CELF4: variants seen among roughly 807,000 people sequenced by gnomAD.
The protein encoded by CELF4 is CUGBP Elav-like family member 4.
CELF4 carries 18 observed loss-of-function variants against 59.9 expected under a neutral mutation model. The observed-to-expected ratio is 0.30, with a 90% confidence interval of 0.21 to 0.45. The LOEUF (loss-of-function observed/expected upper bound fraction) is 0.45, where lower values mean the gene tolerates loss of function less well. CELF4 is among the 20% of genes least tolerant of loss of function. CELF4 has a pLI of 1.00. For missense variants in CELF4, 456 were observed against 689.0 expected (o/e 0.66, Z 3.79); for synonymous variants, 261 against 267.1 (o/e 0.98, Z 0.22).
chr18:37,462,805 T>A (rs1414501379), intron 2 of CELF4, among the ~76,000 whole-genome samples: 1 of 151,518 alleles, frequency 6.6e-6, no homozygotes, highest in African/African-American at 2.4e-5. Context: ...TTTTTTTTTT[T>A]GCGATTTTTT....
intron 1 of CELF4, among the ~76,000 whole-genome samples, chr18:37,536,915 GGT>G (rs2099973972): frequency 6.6e-6 from 1 of 152,168 alleles, no homozygotes; most frequent in Admixed American, 6.5e-5. Context: ...CTTGCCAGGG[GGT>G]GCTGGCTGAC....
At chr18:37,502,733 C>A (rs1415694778) in intron 1 of CELF4, among the ~76,000 whole-genome samples, 1 of 152,198 alleles carries the variant, frequency 6.6e-6, no homozygotes, top group Non-Finnish European at 1.5e-5. Context: ...CTCCCTGTCT[C>A]ACCTCACTAA....
intron 3 of CELF4, among the ~76,000 whole-genome samples, chr18:37,303,742 T>C (rs1391316760): frequency 1.3e-5 from 2 of 152,220 alleles, no homozygotes; most frequent in Non-Finnish European, 2.9e-5. Context: ...CAGGCTAGCC[T>C]TGTGGGCTTT....
chr18:37,467,679 A>T (rs938109024), intron 2 of CELF4, among the ~76,000 whole-genome samples: 3 of 152,216 alleles, frequency 2.0e-5, no homozygotes, highest in African/African-American at 7.2e-5. Context: ...CAAGTCACAC[A>T]GCTGCCAGAG....
chr18:37,464,578 G>A (rs2099802798), intron 2 of CELF4, among the ~76,000 whole-genome samples: 2 of 152,180 alleles, frequency 1.3e-5, no homozygotes, highest in South Asian at 4.1e-4. Context: ...GGGCTTGGGT[G>A]CCCTGGCTGG....
At chr18:37,308,525 A>G (rs2096530702) in intron 3 of CELF4, among the ~76,000 whole-genome samples, 1 of 152,128 alleles carries the variant, frequency 6.6e-6, no homozygotes, top group South Asian at 2.1e-4. Flanking sequence ...CTGCCGGCTG[A>G]TCTCCCTGCC....
At chr18:37,325,937 G>A (rs1396589922) in intron 2 of CELF4, among the ~76,000 whole-genome samples, 3 of 152,218 alleles carry the variant, frequency 2.0e-5, no homozygotes, top group Non-Finnish European at 1.5e-5. Context: ...TTAATTCTCA[G>A]CAGAAATAAA....
intron 1 of CELF4, among the ~76,000 whole-genome samples, chr18:37,519,607 T>C (rs1213306794): frequency 2.0e-5 from 3 of 152,128 alleles, no homozygotes; most frequent in Non-Finnish European, 1.5e-5. Flanking sequence ...AGTATGTAAA[T>C]AAGATGCCGA....
chr18:37,366,463 G>C (rs1486295749), intron 2 of CELF4, among the ~76,000 whole-genome samples: 1 of 152,202 alleles, frequency 6.6e-6, no homozygotes, highest in African/African-American at 2.4e-5. Flanking sequence ...GAGGCTGAGA[G>C]GTGGGTGGCT....
intron 6 of CELF4, chr18:37,273,878 T>A: frequency 9.9e-7 from 1 of 1,013,938 alleles, no homozygotes. Flanking sequence ...TGTGTAGGGC[T>A]TTAGGGCACC....
intron 1 of CELF4, among the ~76,000 whole-genome samples, chr18:37,536,461 T>A (rs1435965540): frequency 6.6e-6 from 1 of 152,226 alleles, no homozygotes; most frequent in East Asian, 1.9e-4. Flanking sequence ...GCAACAGCCA[T>A]CTTCTCAGCC....
chr18:37,329,949 T>C (rs2097478723), intron 2 of CELF4, among the ~76,000 whole-genome samples: 1 of 152,134 alleles, frequency 6.6e-6, no homozygotes, highest in African/African-American at 2.4e-5. Context: ...GATCATCAGG[T>C]GTTTTAAGCA....
intron 3 of CELF4, chr18:37,305,983 G>A (rs936228246): frequency 6.6e-6 from 1 of 152,248 alleles, no homozygotes; most frequent in African/African-American, 2.4e-5. Flanking sequence ...GAGGGGGTAT[G>A]GGGCACCCAC....
intron 3 of CELF4, among the ~76,000 whole-genome samples, chr18:37,296,487 C>A (rs977658631): frequency 6.6e-6 from 1 of 152,216 alleles, no homozygotes; most frequent in African/African-American, 2.4e-5. Flanking sequence ...TGAGCCACTG[C>A]GCCTGGCCGG....
intron 1 of CELF4, among the ~76,000 whole-genome samples, chr18:37,564,588 A>C (rs2099987570): frequency 6.6e-6 from 1 of 151,996 alleles, no homozygotes; most frequent in Non-Finnish European, 1.5e-5. Flanking sequence ...CAAAATGCAA[A>C]TCTCGCACAC....
At chr18:37,251,408 T>C (rs751945185) in intron 12 of CELF4, among the ~76,000 whole-genome samples, 1 of 152,138 alleles carries the variant, frequency 6.6e-6, no homozygotes, top group Non-Finnish European at 1.5e-5. Context: ...ACAATAAACC[T>C]GCCTTCTCAC....
chr18:37,547,160 G>GGTGTGTGTGTGTGTGTGTGTGTGTGTGT (rs59169669), intron 1 of CELF4, among the ~76,000 whole-genome samples: 1 of 144,170 alleles, frequency 6.9e-6, no homozygotes, highest in Admixed American at 7.0e-5. Flanking sequence ...GTGTGTGTGT[G>GGTGTGTGTGTGTGTGTGTGTGTGTGTGT]GTGTGTGTGT....
At chr18:37,292,535 C>A (rs2095407145) in intron 3 of CELF4, among the ~76,000 whole-genome samples, 1 of 152,192 alleles carries the variant, frequency 6.6e-6, no homozygotes, top group African/African-American at 2.4e-5. Flanking sequence ...GCTTTTCTCC[C>A]TGACACCGGA....
chr18:37,471,658 C>T (rs1330205748), intron 2 of CELF4, among the ~76,000 whole-genome samples: 1 of 152,130 alleles, frequency 6.6e-6, no homozygotes, highest in Non-Finnish European at 1.5e-5. Context: ...AGTCTGGAGT[C>T]TCGATCCATT....
Sources: allele counts gnomAD v4.1 joint callset (sites outside exome capture counted in the v4.1 genomes callset), GRCh38; gene constraint gnomAD v4.1.1; transcripts MANE v1.5; gene names NCBI Gene and HGNC (gene_info 2026-07-23, HGNC 2026-07-21).